The following ATP11C variants were observed in gnomAD, a reference collection of about 807,000 sequenced individuals.
ATP11C encodes phospholipid-transporting ATPase IG.
A neutral mutation model predicts 97.4 loss-of-function variants in ATP11C; 36 were observed. The ratio of observed to expected loss-of-function variants is 0.37; its 90% CI spans 0.28 to 0.49. The LOEUF (loss-of-function observed/expected upper bound fraction) is 0.49, where lower values mean the gene tolerates loss of function less well. Ranked by LOEUF, ATP11C falls within the 20% of genes least tolerant of loss-of-function variation. The pLI, the probability that ATP11C is intolerant of heterozygous loss-of-function variation, is 0.98. For missense variants in ATP11C, 730 were observed against 824.6 expected (o/e 0.89, Z 1.40); for synonymous variants, 275 against 290.9 (o/e 0.95, Z 0.56).
At chrX:139,836,538 T>C (rs112523575) in intron 1 of ATP11C, among the ~76,000 whole-genome samples, 353 of 110,653 alleles carry the variant, frequency 3.2e-3, no homozygotes, top group Middle Eastern at 0.014. Flanking sequence ...CAAAAACAAT[T>C]TCAGGCTTCA....
At chrX:139,844,511 G>A (rs1231391231) in intron 1 of ATP11C, among the ~76,000 whole-genome samples, 1 of 112,297 alleles carries the variant, frequency 8.9e-6, no homozygotes, top group Non-Finnish European at 1.9e-5. Context: ...TACTGCCCTG[G>A]TAGCACCCTA....
At chrX:139,915,576 A>G (rs370705755) in intron 1 of ATP11C, among the ~76,000 whole-genome samples, 1 of 110,491 alleles carries the variant, frequency 9.1e-6, no homozygotes, top group African/African-American at 3.3e-5. Flanking sequence ...AGGCTGAGGC[A>G]CGAAAATAAT....
intron 1 of ATP11C, among the ~76,000 whole-genome samples, chrX:139,891,117 T>C (rs895455315): frequency 3.0e-5 from 3 of 99,986 alleles, no homozygotes; most frequent in Non-Finnish European, 5.9e-5. Flanking sequence ...GGGTAAACAA[T>C]GGGCAGCCTA....
In ATP11C at chrX:139,901,343, T is replaced by C. The variant is rs1169082025; in HGVS notation, c.27+30673A>G. ...CCCTTGAAGTGGCCACCTGGGCCCA[T>C]GAAATGAGTGGATATGGGGGTATTG... On this transcript the variant is annotated intron_variant, in intron 1 of 29. Transcript: ENST00000682941. Among the ~76,000 whole-genome samples, 4 of 111,900 alleles carry C rather than the reference T, an allele frequency of 3.6e-5. No individual in the cohort carries two copies. In the East Asian group the frequency reaches 1.1e-3, roughly 32 times the overall value.
chrX:139,859,687 C>T (rs768745314), intron 1 of ATP11C, among the ~76,000 whole-genome samples: 1 of 112,206 alleles, frequency 8.9e-6, no homozygotes, highest in East Asian at 2.8e-4. Flanking sequence ...ATGATCTCTC[C>T]TTACAAACAC....
chrX:139,804,204 G>A (rs985380005), intron 6 of ATP11C, among the ~76,000 whole-genome samples: 11 of 111,334 alleles, frequency 9.9e-5, no homozygotes, highest in Non-Finnish European at 1.7e-4. Flanking sequence ...AATAGGCTGT[G>A]TCAATATTAA....
At chrX:139,850,036 CTTTT>C (rs2083965617) in intron 1 of ATP11C, among the ~76,000 whole-genome samples, 1 of 111,901 alleles carries the variant, frequency 8.9e-6, no homozygotes, top group African/African-American at 3.3e-5. Context: ...AAATGAATTT[CTTTT>C]ATTTATAAAT....
At chrX:139,925,466 T>TCTGAAATGCATAATGTAGCCCAGC (rs2085337436) in intron 1 of ATP11C, among the ~76,000 whole-genome samples, 1 of 112,564 alleles carries the variant, frequency 8.9e-6, no homozygotes, top group Non-Finnish European at 1.9e-5. Context: ...TGTAGCCCAG[T>TCTGAAATGCATAATGTAGCCCAGC]CTGAAATGCA....
At chrX:139,757,501 T>C (rs912994542) in intron 23 of ATP11C, among the ~76,000 whole-genome samples, 7 of 111,889 alleles carry the variant, frequency 6.3e-5, no homozygotes, top group Non-Finnish European at 1.3e-4. Context: ...AGATTCCATT[T>C]GATGAAATAT....
At chrX:139,736,552 A>G (rs988481971) in intron 28 of ATP11C, among the ~76,000 whole-genome samples, 2 of 111,732 alleles carry the variant, frequency 1.8e-5, no homozygotes, top group Non-Finnish European at 3.8e-5. Flanking sequence ...GTTTCATGCA[A>G]ATTGCCACTT....
chrX:139,867,878 T>C (rs964975302), intron 1 of ATP11C, among the ~76,000 whole-genome samples: 1 of 111,712 alleles, frequency 9.0e-6, no homozygotes, highest in African/African-American at 3.3e-5. Context: ...TGTATTTACC[T>C]AGGTGATAAC....
rs111665645 is a variant in ATP11C, at chrX:139,926,350, G to C, written c.27+5666C>G. Among the ~76,000 whole-genome samples the C allele has an allele frequency of 2.9e-3, 321 of 111,444 alleles. 2 individuals carry two copies. Among genetic ancestry groups the C allele is most frequent in the African/African-American group, 8.7e-3 (268 of 30,647 alleles). The stretch of plus-strand genomic sequence containing the variant: ...TCCCATGCATTCACCCTCTTTGAGA[G>C]AACTGAATAACCATGTTAGACAAGC... On this transcript the variant is annotated intron_variant, in intron 1 of 29. Transcript: ENST00000682941.
chrX:139,790,622 T>C (rs2082673232), intron 12 of ATP11C, among the ~76,000 whole-genome samples: 1 of 111,170 alleles, frequency 9.0e-6, no homozygotes, highest in African/African-American at 3.3e-5. Context: ...AAAGTAAAAT[T>C]TTCTATAAAA....
At position 139,804,418 on chromosome X, in the gene ATP11C, G is replaced by T. The variant is rs7891920; in HGVS notation, c.555+53C>A. 1,094 of 1,050,214 alleles carry T rather than the reference G, an allele frequency of 1.0e-3. 11 individuals carry two copies. In the African/African-American group the frequency reaches 0.018, roughly 17 times the overall value. 86.5% of individuals were successfully genotyped at this position (1,050,214 alleles called of 1,213,427 possible). ...TTAGAGGGTGATGGGAGGCAGTATT[G>T]TATGATTAACTATCCTGAGATCAAA... On this transcript the variant is annotated intron_variant, in intron 6 of 29. Coordinates refer to ENST00000682941, the MANE Select transcript of ATP11C (RefSeq NM_001353812.2).
intron 1 of ATP11C, among the ~76,000 whole-genome samples, chrX:139,929,518 G>T (rs534925994): frequency 2.7e-5 from 3 of 111,381 alleles, no homozygotes; most frequent in Non-Finnish European, 3.8e-5. Flanking sequence ...ATTCTTCCAC[G>T]TCAGGTTTAA....
upstream of ATP11C, among the ~76,000 whole-genome samples, chrX:139,936,892 A>G (rs747128147): frequency 9.0e-6 from 1 of 111,140 alleles, no homozygotes; most frequent in Non-Finnish European, 1.9e-5. Flanking sequence ...AGTCACTTCC[A>G]TCTAATACCA....
Position 139,782,714 on chromosome X carries a change from T to A in ATP11C, c.1785A>T (p.Thr595=). 8.4e-7 allele frequency: 1 copy of A among 1,188,242 alleles called. No homozygotes were observed. Among genetic ancestry groups the A allele is most frequent in the Non-Finnish European group, 1.1e-6 (1 of 881,664 alleles). Reference sequence around the variant, plus strand: ...CAATTTCTTTGAAGGCTACACAGAGTGTCCGATACCCATCCTAGGAGTAAA... The same window carrying A: ...CAATTTCTTTGAAGGCTACACAGAGAGTCCGATACCCATCCTAGGAGTAAA... ...VERNAMDGYR[T]LCVAFKEIAP... Residue 595 remains threonine (T), a synonymous_variant, in exon 18 of 30, where the codon ACA becomes ACT. Transcript: ENST00000682941.
intron 1 of ATP11C, among the ~76,000 whole-genome samples, chrX:139,903,635 T>A (rs1183359308): frequency 9.2e-6 from 1 of 108,918 alleles, no homozygotes; most frequent in African/African-American, 3.3e-5. Context: ...ATAAAAAAAA[T>A]TTTTTTAAGG....
chrX:139,875,648 G>A (rs768719817), intron 1 of ATP11C, among the ~76,000 whole-genome samples: 1 of 111,238 alleles, frequency 9.0e-6, no homozygotes, highest in Non-Finnish European at 1.9e-5. Context: ...AACCTGGAGA[G>A]CATTCAGGCC....
Sources: allele counts gnomAD v4.1 joint callset (sites outside exome capture counted in the v4.1 genomes callset), GRCh38; gene constraint gnomAD v4.1.1; transcripts MANE v1.5; gene names NCBI Gene and HGNC (gene_info 2026-07-23, HGNC 2026-07-21).